The following KPNA1 variants were observed in gnomAD, a reference collection of about 807,000 sequenced individuals.
The protein encoded by KPNA1 is karyopherin subunit alpha 1.
A neutral mutation model predicts 70.5 loss-of-function variants in KPNA1; 10 were observed. The ratio of observed to expected loss-of-function variants is 0.14; its 90% CI spans 0.09 to 0.24. The LOEUF is 0.24. Among genes scored for constraint, KPNA1 ranks in the 10% least tolerant of loss-of-function variants. KPNA1 has a pLI of 1.00. For synonymous variants in KPNA1, 192 were observed against 221.9 expected (o/e 0.87, Z 1.20); for missense variants, 397 against 637.9 (o/e 0.62, Z 4.07).
intron 2 of KPNA1, among the ~76,000 whole-genome samples, chr3:122,473,433 C>A (rs2076464883): frequency 6.6e-6 from 1 of 152,164 alleles, no homozygotes; most frequent in South Asian, 2.1e-4. Flanking sequence ...AACAAAACTA[C>A]AGACCAACAT....
chr3:122,462,548 A>G (rs2076335696), intron 4 of KPNA1, among the ~76,000 whole-genome samples: 1 of 152,054 alleles, frequency 6.6e-6, no homozygotes, highest in Admixed American at 6.5e-5. Flanking sequence ...AAACCAGAAT[A>G]CATGCAGGAA....
chr3:122,435,745 C>A (rs768218572), intron 11 of KPNA1, among the ~76,000 whole-genome samples: 2 of 152,198 alleles, frequency 1.3e-5, no homozygotes, highest in African/African-American at 2.4e-5. Flanking sequence ...ACATTTATCA[C>A]CTCCCCAATC....
chr3:122,495,262 C>CAAAAAAAAAA (rs748751423), intron 2 of KPNA1, among the ~76,000 whole-genome samples: 7 of 86,494 alleles, frequency 8.1e-5, no homozygotes, highest in African/African-American at 2.1e-4. Flanking sequence ...TCAAACAAAC[C>CAAAAAAAAAA]AAAAAAAAAA....
rs976672703 is a variant in KPNA1, at chr3:122,485,153, A to G, written c.129+11284T>C. Among the ~76,000 whole-genome samples the G allele has an allele frequency of 5.3e-5, 8 of 152,142 alleles. 1 individual carries two copies. Among genetic ancestry groups the G allele is most frequent in the African/African-American group, 7.2e-5 (3 of 41,438 alleles). On this transcript the variant is annotated intron_variant, in intron 2 of 13. Transcript: ENST00000344337. ...GGTCTCAAACTCCTGTGCTTAAGCA[A>G]TCTTCCCGCCTCGGCCTCCCAAAGT...
At chr3:122,465,050 T>A (rs938050830) in intron 3 of KPNA1, among the ~76,000 whole-genome samples, 1 of 152,164 alleles carries the variant, frequency 6.6e-6, no homozygotes, top group Non-Finnish European at 1.5e-5. Context: ...TAAGCAAATA[T>A]CTTTTTCTTC....
In KPNA1 at chr3:122,491,322, G is replaced by A. The variant is rs148134710; in HGVS notation, c.129+5115C>T. Among the ~76,000 whole-genome samples the A allele has an allele frequency of 1.1e-3, 173 of 152,200 alleles. 2 individuals carry two copies. Among genetic ancestry groups the A allele is most frequent in the Non-Finnish European group, 1.4e-3 (96 of 68,020 alleles). On this transcript the variant is annotated intron_variant, in intron 2 of 13. Transcript: ENST00000344337. Reference sequence around the variant, plus strand: ...CAGGTCATGAAAAACACGACTGCTCGTCCAATATTTGACTTAGAACAGCAA... The same window carrying A: ...CAGGTCATGAAAAACACGACTGCTCATCCAATATTTGACTTAGAACAGCAA...
intron 2 of KPNA1, among the ~76,000 whole-genome samples, chr3:122,485,101 A>C (rs1429484059): frequency 6.6e-6 from 1 of 152,054 alleles, no homozygotes; most frequent in Non-Finnish European, 1.5e-5. Context: ...TTCTGTAGAG[A>C]TGGTGTCTCG....
chr3:122,512,086 C>T (rs1292849622), intron 1 of KPNA1, among the ~76,000 whole-genome samples: 3 of 151,972 alleles, frequency 2.0e-5, no homozygotes, highest in Admixed American at 2.0e-4. Flanking sequence ...TAAAATAATT[C>T]TTAACATAGT....
At chr3:122,494,461 T>C (rs549688335) in intron 2 of KPNA1, among the ~76,000 whole-genome samples, 9 of 152,318 alleles carry the variant, frequency 5.9e-5, no homozygotes, top group Non-Finnish European at 1.2e-4. Flanking sequence ...GCTTTATTTC[T>C]GGACTCTCTA....
In KPNA1 at chr3:122,451,632, A is replaced by T; in HGVS notation, c.655T>A (p.Leu219Ile). The change falls in exon 8 of 14, where the codon TTA becomes ATA. Residue 219 changes from leucine to isoleucine, a missense_variant and splice_region_variant. Transcript: ENST00000344337. ...DCNILPPLLQLFSKQNRLTMT... is the reference protein window; with the variant it reads ...DCNILPPLLQIFSKQNRLTMT... The stretch of plus-strand genomic sequence containing the variant: ...GTCAGGCGGTTTTGCTTTGAAAATA[A>T]CCTAAAAGCACGATGGTACAATGGT... 1 of 1,598,014 alleles carries T rather than the reference A, an allele frequency of 6.3e-7. No homozygotes were observed. Among genetic ancestry groups the T allele is most frequent in the Non-Finnish European group, 8.6e-7 (1 of 1,165,454 alleles).
At chr3:122,454,217 A>G (rs1464436792) in intron 5 of KPNA1, among the ~76,000 whole-genome samples, 1 of 152,230 alleles carries the variant, frequency 6.6e-6, no homozygotes, top group Non-Finnish European at 1.5e-5. Context: ...TCAGTTCAAG[A>G]AAGAGTAAAC....
At position 122,452,701 on chromosome 3, in the gene KPNA1, C is replaced by G. The variant is rs879369418; in HGVS notation, c.565-637G>C. Among the ~76,000 whole-genome samples, 446 of 69,332 alleles carry G rather than the reference C, an allele frequency of 6.4e-3. 1 individual carries two copies. Among genetic ancestry groups the G allele is most frequent in the Admixed American group, 0.02 (132 of 6,512 alleles). 45.5% of individuals were successfully genotyped at this position (69,332 alleles called of 152,430 possible). Reference sequence around the variant, plus strand: ...AGGGAAGGAGGGAGGGAGGGAGAGACGGAGAGACGGAGGGAAGGAGGGAAG... The same window carrying G: ...AGGGAAGGAGGGAGGGAGGGAGAGAGGGAGAGACGGAGGGAAGGAGGGAAG... On this transcript the variant is annotated intron_variant, in intron 6 of 13. Transcript: ENST00000344337.
chr3:122,437,311 T>G lies in KPNA1; in HGVS notation c.997-16A>C, dbSNP rs527768456. 1.9e-6 allele frequency: 3 copies of G among 1,578,856 alleles called. No homozygotes were observed. Among genetic ancestry groups the G allele is most frequent in the African/African-American group, 2.7e-5 (2 of 73,518 alleles). On this transcript the variant is annotated splice_polypyrimidine_tract_variant and intron_variant, in intron 10 of 13. Transcript: ENST00000344337. ...TCAGAATTACCTAAAAGAAAAAGTT[T>G]GAAAATTTTACTTATTGTATTGTTC...
chr3:122,452,677 G>C (rs1246227373), intron 6 of KPNA1, among the ~76,000 whole-genome samples: 1 of 137,992 alleles, frequency 7.2e-6, no homozygotes, highest in Admixed American at 7.1e-5. Context: ...AAGAGAAGGA[G>C]GGAAGGAGGG....
At chr3:122,457,116 T>TTAGGTA (rs57744967) in intron 5 of KPNA1, among the ~76,000 whole-genome samples, 1 of 151,486 alleles carries the variant, frequency 6.6e-6, no homozygotes, top group Non-Finnish European at 1.5e-5. Context: ...TTAAACGTAT[T>TTAGGTA]TATGTTTTTA....
intron 7 of KPNA1, 125 bp from the exon 8 acceptor site, chr3:122,451,758 A>T: frequency 1.4e-6 from 1 of 724,920 alleles, no homozygotes; most frequent in South Asian, 1.9e-5. Context: ...AGAACATTAA[A>T]ACTTCATTAA....
rs1444338566 is a variant in KPNA1 at position 122,423,274 on chromosome 3, C to G, written c.*3711G>C. 6.6e-6 allele frequency: 1 copy of G among 152,128 alleles called. No individual in the cohort carries two copies. Among genetic ancestry groups the G allele is most frequent in the African/African-American group, 2.4e-5 (1 of 41,410 alleles). The allele number at this position is 152,128 out of a possible 1,614,324, so 9.4% of individuals were successfully genotyped here. A position where few individuals can be genotyped will look rare whatever the true frequency, so the allele number is the denominator to read the frequency against. ...AGATATATACTTAATCTGTTCAGCT[C>G]ACAACAGAGAGAAATGGTCATATTG... On this transcript the variant is annotated 3_prime_UTR_variant, in exon 14 of 14. Coordinates refer to ENST00000344337, the MANE Select transcript of KPNA1 (RefSeq NM_002264.4).
At chr3:122,441,695 G>A (rs2076064740) in intron 10 of KPNA1, among the ~76,000 whole-genome samples, 1 of 151,958 alleles carries the variant, frequency 6.6e-6, no homozygotes, top group African/African-American at 2.4e-5. Flanking sequence ...CTACCTCCTG[G>A]GTTCAAGCGA....
At chr3:122,514,355 T>G (rs1014076204) in intron 1 of KPNA1, 5 of 152,392 alleles carry the variant, frequency 3.3e-5, no homozygotes, top group Non-Finnish European at 7.4e-5. Flanking sequence ...CACAGCGCTC[T>G]GCGCGGCCCA....
Sources: allele counts gnomAD v4.1 joint callset (sites outside exome capture counted in the v4.1 genomes callset), GRCh38; gene constraint gnomAD v4.1.1; transcripts MANE v1.5; gene names NCBI Gene and HGNC (gene_info 2026-07-23, HGNC 2026-07-21).